The following SLC20A2 variants were observed in gnomAD, a reference collection of about 807,000 sequenced individuals.
The protein encoded by SLC20A2 is sodium-dependent phosphate transporter 2.
In SLC20A2, 30 loss-of-function variants were observed where a neutral mutation model predicts 61.0. The observed-to-expected ratio is 0.49, with a 90% confidence interval of 0.37 to 0.67. SLC20A2 has a LOEUF of 0.67. Among genes scored for constraint, SLC20A2 ranks in the 30% least tolerant of loss-of-function variants. The probability of loss-of-function intolerance (pLI) is 0.00; values close to 1 mark genes in which losing one functional copy is unlikely to be tolerated. For missense variants in SLC20A2, 626 were observed against 866.4 expected (o/e 0.72, Z 3.48); for synonymous variants, 351 against 353.3 (o/e 0.99, Z 0.07).
At chr8:42,532,653 T>C (rs1812407198) in intron 1 of SLC20A2, among the ~76,000 whole-genome samples, 2 of 151,924 alleles carry the variant, frequency 1.3e-5, no homozygotes, top group Non-Finnish European at 2.9e-5. Flanking sequence ...TACCTATTAA[T>C]AGAAAAAGAG....
At chr8:42,522,691 G>A (rs1811656172) in intron 1 of SLC20A2, among the ~76,000 whole-genome samples, 1 of 77,448 alleles carries the variant, frequency 1.3e-5, no homozygotes, top group African/African-American at 3.1e-5. Context: ...AAAAAAAAAG[G>A]TATTATTGTA....
Position 42,531,151 on chromosome 8 carries a change from C to G in SLC20A2, c.-265+10670G>C, listed in dbSNP as rs541033144. Among the ~76,000 whole-genome samples, 6 of 152,334 alleles carry G rather than the reference C, an allele frequency of 3.9e-5. 1 individual carries two copies. The highest frequency in any genetic ancestry group is 9.6e-5 in the African/African-American group (4 of 41,580). Reference sequence around the variant, plus strand: ...ACTGTGAGCCTCCAGAGAGAAAGGACCATACCTTATTCATCTCTATAGTTC... The same window carrying G: ...ACTGTGAGCCTCCAGAGAGAAAGGAGCATACCTTATTCATCTCTATAGTTC... On this transcript the variant is annotated intron_variant, in intron 1 of 10. Coordinates refer to the SLC20A2 transcript ENST00000342228.
intron 8 of SLC20A2, among the ~76,000 whole-genome samples, chr8:42,433,464 C>T (rs541594518): frequency 2.0e-4 from 31 of 152,324 alleles, no homozygotes; most frequent in African/African-American, 6.7e-4. Context: ...GCTGGGATTA[C>T]AGGCACGTGC....
chr8:42,486,198 T>A (rs1808999528), intron 1 of SLC20A2, among the ~76,000 whole-genome samples: 1 of 151,982 alleles, frequency 6.6e-6, no homozygotes, highest in African/African-American at 2.4e-5. Context: ...CTGTCTAGTG[T>A]CACTTCCTTT....
intron 5 of SLC20A2, among the ~76,000 whole-genome samples, chr8:42,451,496 A>G (rs1002764991): frequency 6.7e-6 from 1 of 148,292 alleles, no homozygotes; most frequent in Non-Finnish European, 1.5e-5. Context: ...GAGATGGAGT[A>G]GGAGAAGGAA....
rs532845608 is a variant in SLC20A2, at chr8:42,450,448, G to A, written c.614-5686C>T. On this transcript the variant is annotated intron_variant, in intron 5 of 10. Coordinates refer to ENST00000520262, the MANE Select transcript of SLC20A2 (RefSeq NM_001257180.2). ...TCACCATATTGGCCAACCTGGTCTC[G>A]AACTCCTGACCTCAGGTGATCCACC... Among the ~76,000 whole-genome samples the A allele has an allele frequency of 2.8e-3, 417 of 151,422 alleles. 2 individuals are homozygous for A. The highest frequency in any genetic ancestry group is 9.5e-3 in the African/African-American group (392 of 41,248).
At chr8:42,499,954 TTCC>T (rs1347895016) in intron 1 of SLC20A2, among the ~76,000 whole-genome samples, 1 of 152,224 alleles carries the variant, frequency 6.6e-6, no homozygotes, top group Non-Finnish European at 1.5e-5. Context: ...ACTGAAGTAT[TTCC>T]TTTCATTGTT....
At chr8:42,423,558 C>T (rs140273891) in intron 10 of SLC20A2, among the ~76,000 whole-genome samples, 6 of 152,108 alleles carry the variant, frequency 3.9e-5, no homozygotes, top group Non-Finnish European at 5.9e-5. Flanking sequence ...AAATGTTTCA[C>T]GATGCTTGAC....
intron 1 of SLC20A2, among the ~76,000 whole-genome samples, chr8:42,487,801 G>A (rs1443499832): frequency 6.6e-6 from 1 of 152,146 alleles, no homozygotes; most frequent in South Asian, 2.1e-4. Flanking sequence ...GTGGCGTTAG[G>A]TATATTCACA....
chr8:42,426,693 AAAAACAAAACAAAAC>A (rs141880455), intron 10 of SLC20A2, among the ~76,000 whole-genome samples: 2 of 151,640 alleles, frequency 1.3e-5, no homozygotes, highest in Non-Finnish European at 2.9e-5. Context: ...ACTCCATCTC[AAAAACAAAACAAAAC>A]AAAACAAAAC....
intron 8 of SLC20A2, among the ~76,000 whole-genome samples, chr8:42,433,834 CTT>C (rs1195837696): frequency 6.6e-6 from 1 of 152,200 alleles, no homozygotes; most frequent in Non-Finnish European, 1.5e-5. Flanking sequence ...ACAAATATCT[CTT>C]TGAGACTCTG....
At position 42,442,062 on chromosome 8, in the gene SLC20A2, T is replaced by C. The variant is rs148977250; in HGVS notation, c.731-2409A>G. Among the ~76,000 whole-genome samples the C allele has an allele frequency of 9.9e-3, 1,469 of 149,110 alleles. 18 individuals are homozygous for C. Among genetic ancestry groups the C allele is most frequent in the Middle Eastern group, 0.034 (10 of 294 alleles). The stretch of plus-strand genomic sequence containing the variant: ...AATTCTCCTGCCTCAGCCTCCCAAG[T>C]AGCTGGGATTACAGGCATGAGCCAC... On this transcript the variant is annotated intron_variant, in intron 6 of 10. Transcript: ENST00000520262.
chr8:42,528,608 C>A (rs1389728876), intron 1 of SLC20A2, among the ~76,000 whole-genome samples: 1 of 152,136 alleles, frequency 6.6e-6, no homozygotes, highest in Non-Finnish European at 1.5e-5. Context: ...CTGGCTTAAT[C>A]ATTTACTTTC....
At chr8:42,454,924 T>C (rs576492319) in intron 5 of SLC20A2, among the ~76,000 whole-genome samples, 13 of 151,870 alleles carry the variant, frequency 8.6e-5, no homozygotes, top group South Asian at 2.1e-4. Context: ...CTAACTAGTA[T>C]ATTAAATATG....
At chr8:42,527,321 A>C (rs1262751120) in intron 1 of SLC20A2, among the ~76,000 whole-genome samples, 1 of 150,866 alleles carries the variant, frequency 6.6e-6, no homozygotes, top group Non-Finnish European at 1.5e-5. Flanking sequence ...GCGGTGAGCC[A>C]AGATCGCACC....
At chr8:42,425,019 C>G (rs1803305358) in intron 10 of SLC20A2, among the ~76,000 whole-genome samples, 1 of 152,158 alleles carries the variant, frequency 6.6e-6, no homozygotes, top group Non-Finnish European at 1.5e-5. Flanking sequence ...GCACTCCAGC[C>G]TGGGCCACAA....
intron 1 of SLC20A2, among the ~76,000 whole-genome samples, chr8:42,508,401 T>C (rs1810844856): frequency 6.6e-6 from 1 of 152,030 alleles, no homozygotes. Context: ...CTCGCTCTGT[T>C]TGTTTTGAGA....
intron 1 of SLC20A2, among the ~76,000 whole-genome samples, chr8:42,486,785 G>A (rs1179847247): frequency 1.3e-5 from 2 of 152,178 alleles, no homozygotes; most frequent in East Asian, 3.8e-4. Flanking sequence ...TATCCTAACT[G>A]AATTTGGCTA....
chr8:42,509,445 C>G (rs1174318167), intron 1 of SLC20A2, among the ~76,000 whole-genome samples: 2 of 152,082 alleles, frequency 1.3e-5, no homozygotes, highest in East Asian at 3.8e-4. Flanking sequence ...ATACAAGATG[C>G]TAGGCTTAGC....
Sources: allele counts gnomAD v4.1 joint callset (sites outside exome capture counted in the v4.1 genomes callset), GRCh38; gene constraint gnomAD v4.1.1; transcripts MANE v1.5; gene names NCBI Gene and HGNC (gene_info 2026-07-23, HGNC 2026-07-21).